Variants in USP10 observed in about 807,000 individuals in gnomAD.
The protein encoded by USP10 is ubiquitin carboxyl-terminal hydrolase 10.
USP10 carries 22 observed loss-of-function variants against 84.5 expected under a neutral mutation model. That is an observed-to-expected ratio of 0.26 (90% confidence interval 0.19 to 0.37). The LOEUF (loss-of-function observed/expected upper bound fraction) is 0.37. USP10 is among the 10% of genes least tolerant of loss of function. The pLI, the probability that USP10 is intolerant of heterozygous loss-of-function variation, is 1.00. For synonymous variants in USP10, 454 were observed against 387.6 expected (o/e 1.17, Z -2.01); for missense variants, 1,019 against 998.9 (o/e 1.02, Z -0.27).
At chr16:84,755,527 C>A (rs1022922286) in intron 4 of USP10, among the ~76,000 whole-genome samples, 1 of 152,030 alleles carries the variant, frequency 6.6e-6, no homozygotes, top group African/African-American at 2.4e-5. Context: ...GGGACCTGTG[C>A]GTATGTTTGT....
chr16:84,718,999 T>G (rs1436917527), intron 1 of USP10, among the ~76,000 whole-genome samples: 2 of 151,804 alleles, frequency 1.3e-5, no homozygotes, highest in Non-Finnish European at 2.9e-5. Flanking sequence ...ACTATGTAGG[T>G]CAAGCTGGTC....
chr16:84,732,974 T>G, intron 1 of USP10: 1 of 417,268 alleles, frequency 2.4e-6, no homozygotes, highest in Non-Finnish European at 4.7e-6. Flanking sequence ...TTAAAGATCA[T>G]TAATCAGGAT....
chr16:84,711,563 T>G (rs554424445), intron 1 of USP10, among the ~76,000 whole-genome samples: 96 of 152,202 alleles, frequency 6.3e-4, no homozygotes, highest in Non-Finnish European at 1.2e-3. Flanking sequence ...GTCTCTAGTT[T>G]TTCCCAAACT....
intron 10 of USP10, among the ~76,000 whole-genome samples, chr16:84,765,052 G>A (rs1913697704): frequency 6.6e-6 from 1 of 151,252 alleles, no homozygotes; most frequent in Non-Finnish European, 1.5e-5. Context: ...TCCAGCCTGG[G>A]TGACAGAGCA....
At chr16:84,754,171 C>G (rs1173767727) in intron 4 of USP10, among the ~76,000 whole-genome samples, 1 of 152,094 alleles carries the variant, frequency 6.6e-6, no homozygotes, top group African/African-American at 2.4e-5. Flanking sequence ...ACTGTGGAGA[C>G]AGTGTGGAGA....
chr16:84,749,408 G>T (rs1002555014), intron 4 of USP10, among the ~76,000 whole-genome samples: 1 of 152,156 alleles, frequency 6.6e-6, no homozygotes, highest in Admixed American at 6.5e-5. Flanking sequence ...TGAGACAGTG[G>T]TATTTGTGTT....
rs759041098 is a variant in USP10, at chr16:84,745,634, G to A, written c.1153G>A (p.Val385Ile). The change falls in exon 4 of 14, where the codon GTT (valine) becomes ATT (isoleucine). Residue 385 changes from valine to isoleucine, a missense_variant. Val to Ile is a conservative substitution (Grantham distance 29). This residue lies in a region of USP10 where 787 missense variants were observed against 708.8 expected (regional missense o/e 1.11). Transcript: ENST00000219473. ...GCAGGTTGAAGTCAAAGAAGGGCTTGTTCCGGTTTCAGAGGATCCTGTAGC... is the reference window on the plus strand; with the variant it reads ...GCAGGTTGAAGTCAAAGAAGGGCTTATTCCGGTTTCAGAGGATCCTGTAGC... ...EKQVEVKEGL[V>I]PVSEDPVAIK... 8.9e-5 allele frequency: 143 copies of A among 1,613,136 alleles called. No individual in the cohort carries two copies. Among genetic ancestry groups the A allele is most frequent in the Non-Finnish European group, 1.1e-4 (134 of 1,179,612 alleles).
intron 1 of USP10, among the ~76,000 whole-genome samples, chr16:84,720,795 GA>G (rs1314417837): frequency 2.0e-5 from 3 of 150,992 alleles, no homozygotes; most frequent in Non-Finnish European, 4.4e-5. Context: ...TATTAGCGGG[GA>G]TGGTCTCGAT....
chr16:84,744,610 C>G (rs566443507), intron 3 of USP10, 23 bp from the exon 4 acceptor site: 14 of 1,567,424 alleles, frequency 8.9e-6, no homozygotes, highest in African/African-American at 2.7e-5. Flanking sequence ...GGGTTCTTAA[C>G]TAATAGTTTT....
chr16:84,735,336 A>G (rs1909795724), intron 2 of USP10, among the ~76,000 whole-genome samples: 1 of 152,078 alleles, frequency 6.6e-6, no homozygotes, highest in South Asian at 2.1e-4. Flanking sequence ...AAGTGTGTAC[A>G]CATGTGGATG....
chr16:84,718,947 C>T (rs1406453070), intron 1 of USP10, among the ~76,000 whole-genome samples: 2 of 151,690 alleles, frequency 1.3e-5, no homozygotes, highest in Admixed American at 6.6e-5. Context: ...CGCCCGCCAC[C>T]GCACCCAGCT....
chr16:84,772,492 G>T, intron 11 of USP10, 49 bp from the exon 12 acceptor site: 1 of 1,608,198 alleles, frequency 6.2e-7, no homozygotes, highest in South Asian at 1.1e-5. Context: ...GGTGTTAGCT[G>T]TTGCAAGTAA....
At chr16:84,720,939 G>C (rs1907718941) in intron 1 of USP10, among the ~76,000 whole-genome samples, 1 of 149,330 alleles carries the variant, frequency 6.7e-6, no homozygotes, top group African/African-American at 2.5e-5. Context: ...TTTTGCCCAG[G>C]CTGGAGTGCA....
chr16:84,720,014 A>G (rs1289610500), intron 1 of USP10, among the ~76,000 whole-genome samples: 3 of 152,206 alleles, frequency 2.0e-5, no homozygotes, highest in Non-Finnish European at 4.4e-5. Context: ...TTCCATTAAC[A>G]ACAAAGCCGC....
chr16:84,764,325 A>T, intron 10 of USP10, 62 bp downstream of exon 10: 2 of 1,605,754 alleles, frequency 1.2e-6, no homozygotes, highest in Non-Finnish European at 1.7e-6. Flanking sequence ...ATGTTGGTGA[A>T]GGGGGAAGGT....
At chr16:84,760,308 G>A (rs753898698) in intron 8 of USP10, 33 bp downstream of exon 8, 1 of 1,550,730 alleles carries the variant, frequency 6.4e-7, no homozygotes, top group East Asian at 2.3e-5. Context: ...CTAGTATCAA[G>A]TGTTGCCTTT....
chr16:84,725,263 T>A (rs1908308026), intron 1 of USP10, among the ~76,000 whole-genome samples: 2 of 152,238 alleles, frequency 1.3e-5, no homozygotes, highest in Non-Finnish European at 2.9e-5. Flanking sequence ...ATTTGCCTAT[T>A]CTTGGCATTT....
chr16:84,726,063 C>T (rs916058309), intron 1 of USP10, among the ~76,000 whole-genome samples: 21 of 152,190 alleles, frequency 1.4e-4, no homozygotes, highest in Admixed American at 1.3e-3. Context: ...GGTACAAATG[C>T]AGCAGCAAAG....
At chr16:84,764,323 G>A in intron 10 of USP10, 60 bp downstream of exon 10, 1 of 1,605,626 alleles carries the variant, frequency 6.2e-7, no homozygotes, top group Non-Finnish European at 8.5e-7. Context: ...CCATGTTGGT[G>A]AAGGGGGAAG....
Sources: allele counts gnomAD v4.1 joint callset (sites outside exome capture counted in the v4.1 genomes callset), GRCh38; gene constraint gnomAD v4.1.1; regional missense constraint gnomAD v4.1.1; transcripts MANE v1.5; gene names NCBI Gene and HGNC (gene_info 2026-07-23, HGNC 2026-07-21).